Variants in FOXJ2 observed in about 807,000 individuals in gnomAD.
FOXJ2 encodes the protein forkhead box protein J2.
Under a neutral mutation model 68.4 loss-of-function variants are expected in FOXJ2, and 18 were observed. The ratio of observed to expected loss-of-function variants is 0.26; its 90% CI spans 0.18 to 0.39. The LOEUF is 0.39. Ranked by LOEUF, FOXJ2 falls within the 10% of genes least tolerant of loss-of-function variation. FOXJ2 has a pLI of 1.00. For synonymous variants in FOXJ2, 274 were observed against 263.2 expected, an observed-to-expected ratio of 1.04 and a Z score of -0.40; for missense variants, 670 against 726.5, an observed-to-expected ratio of 0.92 and a Z score of 0.89.
rs1019660474 is a variant in FOXJ2, at chr12:8,032,732, G to C, written c.-1116G>C. On this transcript the variant is annotated 5_prime_UTR_variant, in exon 1 of 11. Coordinates refer to ENST00000162391, the MANE Select transcript of FOXJ2 (RefSeq NM_018416.3). The surrounding 1 kb of genome is among the most constrained non-coding windows in gnomAD (Gnocchi z 4.8). Reference sequence around the variant, plus strand: ...CCGGGGCCTGCAGCGGAGCCGAGCCGAGCCCGAGCCCGCGCCGAGCCCTGA... The same window carrying C: ...CCGGGGCCTGCAGCGGAGCCGAGCCCAGCCCGAGCCCGCGCCGAGCCCTGA... The C allele has an allele frequency of 5.1e-6, 2 of 394,442 alleles. No individual in the cohort carries two copies. Among genetic ancestry groups the C allele is most frequent in the Non-Finnish European group, 9.0e-6 (2 of 223,406 alleles). 24.4% of individuals were successfully genotyped at this position (394,442 alleles called of 1,614,324 possible). A position where few individuals can be genotyped will look rare whatever the true frequency, so the allele number is the denominator to read the frequency against.
At chr12:8,052,459 C>T (rs886822744) in intron 10 of FOXJ2, among the ~76,000 whole-genome samples, 12 of 152,196 alleles carry the variant, frequency 7.9e-5, no homozygotes, top group Admixed American at 2.0e-4. Context: ...ACCTCGTGAT[C>T]CGCCTGCCTT....
rs1052393349 is a variant in FOXJ2, at chr12:8,038,160, G to C, written c.-14-1659G>C. ...TGAGTGTGTTGCTGGTTAGGAGCTG[G>C]GTACTTGTGCACACATGCAGATTGC... On this transcript the variant is annotated intron_variant, in intron 1 of 10. Transcript: ENST00000162391. This position sits in a 1 kb window ranked among gnomAD's most constrained non-coding sequence, Gnocchi z 5.3. 6.6e-6 allele frequency among the ~76,000 whole-genome samples: 1 copy of C among 152,160 alleles called. No homozygotes were observed. Among genetic ancestry groups the C allele is most frequent in the Admixed American group, 6.5e-5 (1 of 15,280 alleles).
intron 5 of FOXJ2, 51 bp downstream of exon 5, chr12:8,044,142 G>C (rs1039020206): frequency 6.9e-6 from 10 of 1,454,568 alleles, no homozygotes; most frequent in Non-Finnish European, 9.1e-6. Flanking sequence ...AATAGATTCA[G>C]ATGTCTCCCT....
At chr12:8,049,667 G>T in intron 9 of FOXJ2, 96 bp downstream of exon 9, 1 of 1,185,884 alleles carries the variant, frequency 8.4e-7, no homozygotes, top group Non-Finnish European at 1.2e-6. Flanking sequence ...GGATTTTATG[G>T]GGCAGTGACC....
rs1410711421 is a variant in FOXJ2 at position 8,032,847 on chromosome 12, A to C, written c.-1001A>C. 7 of 397,942 alleles carry C rather than the reference A, an allele frequency of 1.8e-5. No homozygotes were observed. The Admixed American group carries it at 3.1e-4, about 18-fold the overall frequency. The allele number at this position is 397,942 out of a possible 1,614,324, so 24.7% of individuals were successfully genotyped here. A position where few individuals can be genotyped will look rare whatever the true frequency, so the allele number is the denominator to read the frequency against. On this transcript the variant is annotated 5_prime_UTR_variant, in exon 1 of 11. Coordinates refer to ENST00000162391, the MANE Select transcript of FOXJ2 (RefSeq NM_018416.3). The surrounding 1 kb of genome is among the most constrained non-coding windows in gnomAD (Gnocchi z 4.8). ...GCGGGGAGCCCCACGCGCCGAAGGG[A>C]GCGGACCCGACAGGACGGCCCTAGA...
intron 10 of FOXJ2, 98 bp downstream of exon 10, chr12:8,050,718 A>T (rs1176760734): frequency 1.5e-6 from 2 of 1,359,928 alleles, no homozygotes; most frequent in African/African-American, 2.9e-5. Flanking sequence ...TTTTGCCTGC[A>T]TCTCGCTGGA....
rs1947086568 is a variant in FOXJ2, at chr12:8,049,535, C to T, written c.1501C>T (p.Leu501Phe). The T allele has an allele frequency of 6.2e-7, 1 of 1,611,144 alleles. No homozygotes were observed. The highest frequency in any genetic ancestry group is 1.7e-5 in the Admixed American group (1 of 59,860). Residue 501 changes from leucine (L) to phenylalanine (F), a missense_variant, in exon 9 of 11, where the codon CTC (leucine) becomes TTC (phenylalanine). Around this residue, in one of 2 missense-constraint regions of FOXJ2, gnomAD observed 555 missense variants for 562.2 expected, o/e 0.99. Transcript: ENST00000162391. ...APARIADSCA[L>F]TSGKQESAMS... ...TGCCCGTATTGCTGACTCCTGTGCCCTCACCAGTGGCAAACAGGAGTCAGC... is the reference window on the plus strand; with the variant it reads ...TGCCCGTATTGCTGACTCCTGTGCCTTCACCAGTGGCAAACAGGAGTCAGC...
Position 8,050,579 on chromosome 12 carries a change from A to G in FOXJ2, c.1595A>G (p.Tyr532Cys). Residue 532 changes from tyrosine (Y) to cysteine (C), a missense_variant, in exon 10 of 11, where the codon TAC becomes TGC. Tyr to Cys is a radical substitution (Grantham distance 194). This residue lies in a region of FOXJ2 where 555 missense variants were observed against 562.2 expected (regional missense o/e 0.99). Coordinates refer to ENST00000162391, the MANE Select transcript of FOXJ2 (RefSeq NM_018416.3). ...CTCTACCCTGGCCCATCACCAATGT[A>G]CCCAATCCCCACCCAGGACTCAGCA... ...PHLYPGPSPM[Y>C]PIPTQDSAGY... 1.9e-6 allele frequency: 3 copies of G among 1,613,832 alleles called. No individual in the cohort carries two copies. The highest frequency in any genetic ancestry group is 2.5e-6 in the Non-Finnish European group (3 of 1,179,924).
chr12:8,034,536 T>C (rs778861695), intron 1 of FOXJ2, among the ~76,000 whole-genome samples: 1 of 152,190 alleles, frequency 6.6e-6, no homozygotes, highest in African/African-American at 2.4e-5. Context: ...AAGTGCTTCC[T>C]TGATGCTGGC....
rs1458305895 is a variant in FOXJ2 at position 8,035,215 on chromosome 12, GT to G, written c.-15+1383del. ...CAAGTGGGTATGTGTGTGGAGACAG[GT>G]ACTTATGTGCTTTTCAGACTATACT... On this transcript the variant is annotated intron_variant, in intron 1 of 10. Transcript: ENST00000162391. This position sits in a 1 kb window ranked among gnomAD's most constrained non-coding sequence, Gnocchi z 4.0. 6.6e-6 allele frequency among the ~76,000 whole-genome samples: 1 copy of G among 152,178 alleles called. No individual in the cohort carries two copies. Among genetic ancestry groups the G allele is most frequent in the Non-Finnish European group, 1.5e-5 (1 of 68,036 alleles).
rs775726559 is a variant in FOXJ2 at position 8,054,354 on chromosome 12, T to A, written c.*1504T>A. ...GGAAGAACAATTTTACTTCTGTCCT[T>A]ATTTCACTTGCTGAAAAGCTGTGGG... On this transcript the variant is annotated 3_prime_UTR_variant, in exon 11 of 11. Coordinates refer to ENST00000162391, the MANE Select transcript of FOXJ2 (RefSeq NM_018416.3). 1 of 152,364 alleles carries A rather than the reference T, an allele frequency of 6.6e-6. No homozygotes were observed. Among genetic ancestry groups the A allele is most frequent in the South Asian group, 2.1e-4 (1 of 4,834 alleles). 9.4% of individuals were successfully genotyped at this position (152,364 alleles called of 1,614,324 possible). A position where few individuals can be genotyped will look rare whatever the true frequency, so the allele number is the denominator to read the frequency against.
At chr12:8,051,223 G>C (rs1695086384) in intron 10 of FOXJ2, among the ~76,000 whole-genome samples, 1 of 150,794 alleles carries the variant, frequency 6.6e-6, no homozygotes, top group African/African-American at 2.4e-5. Context: ...TCCACCTCCT[G>C]GGTTGAAATG....
At chr12:8,037,508 T>G (rs1173871952) in intron 1 of FOXJ2, among the ~76,000 whole-genome samples, 2 of 152,218 alleles carry the variant, frequency 1.3e-5, no homozygotes, top group South Asian at 2.1e-4. Flanking sequence ...TCACTGTGAT[T>G]GGCATGTGCC....
At position 8,049,530 on chromosome 12, in the gene FOXJ2, G is replaced by A. The variant is rs201995181; in HGVS notation, c.1496G>A (p.Cys499Tyr). Residue 499 changes from cysteine (C) to tyrosine (Y), a missense_variant, in exon 9 of 11, where the codon TGT (cysteine) becomes TAT (tyrosine). Cys to Tyr is a radical substitution (Grantham distance 194). Around this residue, in one of 2 missense-constraint regions of FOXJ2, gnomAD observed 555 missense variants for 562.2 expected, o/e 0.99. Transcript: ENST00000162391. ...PPAPARIADS[C>Y]ALTSGKQESA... ...GCCCCTGCCCGTATTGCTGACTCCTGTGCCCTCACCAGTGGCAAACAGGAG... is the reference window on the plus strand; with the variant it reads ...GCCCCTGCCCGTATTGCTGACTCCTATGCCCTCACCAGTGGCAAACAGGAG... The A allele has an allele frequency of 2.5e-6, 4 of 1,612,992 alleles. No individual in the cohort carries two copies. The highest frequency in any genetic ancestry group is 3.4e-6 in the Non-Finnish European group (4 of 1,179,170).
chr12:8,038,660 C>G lies in FOXJ2; in HGVS notation c.-14-1159C>G, dbSNP rs1378582040. Among the ~76,000 whole-genome samples the G allele has an allele frequency of 6.6e-6, 1 of 152,184 alleles. No individual in the cohort carries two copies. The highest frequency in any genetic ancestry group is 2.1e-4 in the South Asian group (1 of 4,838). ...TACCTAGGGGTTCCTGCCAGCCTTTCTAGACCCTGCAATACAGATATCACC... is the reference window on the plus strand; with the variant it reads ...TACCTAGGGGTTCCTGCCAGCCTTTGTAGACCCTGCAATACAGATATCACC... On this transcript the variant is annotated intron_variant, in intron 1 of 10. Coordinates refer to ENST00000162391, the MANE Select transcript of FOXJ2 (RefSeq NM_018416.3). The surrounding 1 kb of genome is among the most constrained non-coding windows in gnomAD (Gnocchi z 5.3).
rs1946884358 is a variant in FOXJ2 at position 8,035,494 on chromosome 12, G to A, written c.-15+1661G>A. ...CTGATACCTCTGGTCTCAGAAGGATGAGGATCCTTGACTCCTAACTCCAGA... is the reference window on the plus strand; with the variant it reads ...CTGATACCTCTGGTCTCAGAAGGATAAGGATCCTTGACTCCTAACTCCAGA... On this transcript the variant is annotated intron_variant, in intron 1 of 10. Transcript: ENST00000162391. This position sits in a 1 kb window ranked among gnomAD's most constrained non-coding sequence, Gnocchi z 4.0. 6.6e-6 allele frequency among the ~76,000 whole-genome samples: 1 copy of A among 152,158 alleles called. No homozygotes were observed. Among genetic ancestry groups the A allele is most frequent in the Non-Finnish European group, 1.5e-5 (1 of 68,030 alleles).
intron 6 of FOXJ2, 42 bp downstream of exon 6, chr12:8,045,000 CTTG>C: frequency 5.1e-6 from 8 of 1,558,550 alleles, no homozygotes; most frequent in Non-Finnish European, 6.1e-6. Flanking sequence ...ACTTTTTTAT[CTTG>C]TTGAACAAGT....
rs1946925568 is a variant in FOXJ2 at position 8,038,550 on chromosome 12, T to G, written c.-14-1269T>G. Among the ~76,000 whole-genome samples the G allele has an allele frequency of 6.6e-6, 1 of 152,172 alleles. No individual in the cohort carries two copies. Among genetic ancestry groups the G allele is most frequent in the South Asian group, 2.1e-4 (1 of 4,828 alleles). ...CTGAGGAAGACAATGTTAGCTGGCATCTGGCGGCTGTGCAGGCACAAACCT... is the reference window on the plus strand; with the variant it reads ...CTGAGGAAGACAATGTTAGCTGGCAGCTGGCGGCTGTGCAGGCACAAACCT... On this transcript the variant is annotated intron_variant, in intron 1 of 10. Coordinates refer to ENST00000162391, the MANE Select transcript of FOXJ2 (RefSeq NM_018416.3). This position sits in a 1 kb window ranked among gnomAD's most constrained non-coding sequence, Gnocchi z 5.3.
chr12:8,042,573 T>G, intron 2 of FOXJ2, 85 bp from the exon 3 acceptor site: 1 of 1,163,298 alleles, frequency 8.6e-7, no homozygotes, highest in Non-Finnish European at 1.3e-6. Context: ...TGTATTATGT[T>G]TTTTTGTGTG....
Sources: allele counts gnomAD v4.1 joint callset (sites outside exome capture counted in the v4.1 genomes callset), GRCh38; gene constraint gnomAD v4.1.1; regional missense constraint gnomAD v4.1.1; non-coding constraint Gnocchi (gnomAD v3.1); transcripts MANE v1.5; gene names NCBI Gene and HGNC (gene_info 2026-07-23, HGNC 2026-07-21).